The following NYAP2 variants were observed in gnomAD, a reference collection of about 807,000 sequenced individuals.
NYAP2 encodes neuronal tyrosine-phosphorylated phosphoinositide-3-kinase adapter 2.
A neutral mutation model predicts 50.4 loss-of-function variants in NYAP2; 23 were observed. The observed-to-expected ratio is 0.46, with a 90% CI of 0.33 to 0.65. The LOEUF (loss-of-function observed/expected upper bound fraction) is 0.65, where lower values mean the gene tolerates loss of function less well. Among genes scored for constraint, NYAP2 ranks in the 30% least tolerant of loss-of-function variants. NYAP2 has a pLI of 0.02. For synonymous variants in NYAP2, 394 were observed against 365.2 expected, an observed-to-expected ratio of 1.08 and a Z score of -0.90; for missense variants, 885 against 861.0, an observed-to-expected ratio of 1.03 and a Z score of -0.35.
chr2:225,577,781 A>G (rs530245579), intron 4 of NYAP2, among the ~76,000 whole-genome samples: 1 of 150,944 alleles, frequency 6.6e-6, no homozygotes, highest in Admixed American at 6.6e-5. Context: ...GATTACAAGG[A>G]CGGATGTCAG....
the NYAP2 span, among the ~76,000 whole-genome samples, chr2:225,674,067 C>T: frequency 6.6e-6 from 1 of 152,070 alleles, no homozygotes; most frequent in African/African-American, 2.4e-5. Flanking sequence ...CTGAAATCGC[C>T]TGAGCTGAGT....
At chr2:225,513,258 CG>C in intron 3 of NYAP2, 112 bp from the exon 4 acceptor site, 1 of 911,158 alleles carries the variant, frequency 1.1e-6, no homozygotes, top group Non-Finnish European at 1.7e-6. Flanking sequence ...AGCATTTCAC[CG>C]GACTAAAATG....
chr2:225,562,940 T>A (rs1160342235), intron 4 of NYAP2, among the ~76,000 whole-genome samples: 2 of 152,156 alleles, frequency 1.3e-5, no homozygotes, highest in Non-Finnish European at 2.9e-5. Context: ...CCTATTTGGA[T>A]AAGATGTCTG....
intron 3 of NYAP2, among the ~76,000 whole-genome samples, chr2:225,504,622 G>A (rs1455081234): frequency 6.6e-6 from 1 of 152,146 alleles, no homozygotes; most frequent in East Asian, 1.9e-4. Flanking sequence ...TAGTAAATAA[G>A]TTGGTTAGTT....
At chr2:225,480,808 A>G (rs1037644094) in intron 3 of NYAP2, among the ~76,000 whole-genome samples, 1 of 152,088 alleles carries the variant, frequency 6.6e-6, no homozygotes, top group Admixed American at 6.6e-5. Flanking sequence ...TTCTTATATA[A>G]ATGGTTTTTA....
At chr2:225,435,902 A>C (rs1242414430) in intron 3 of NYAP2, among the ~76,000 whole-genome samples, 1 of 152,216 alleles carries the variant, frequency 6.6e-6, no homozygotes, top group Non-Finnish European at 1.5e-5. Context: ...CCATTCTTCA[A>C]CATCAATTTG....
chr2:225,467,841 C>G (rs1689945891), intron 3 of NYAP2, among the ~76,000 whole-genome samples: 1 of 152,088 alleles, frequency 6.6e-6, no homozygotes, highest in South Asian at 2.1e-4. Flanking sequence ...TTTTTGAATA[C>G]AATCATTCAT....
intron 3 of NYAP2, among the ~76,000 whole-genome samples, chr2:225,472,217 A>G (rs1306021151): frequency 6.6e-6 from 1 of 152,164 alleles, no homozygotes; most frequent in African/African-American, 2.4e-5. Flanking sequence ...ACTAAAATAC[A>G]TCACCTTTGA....
At chr2:225,541,189 A>G (rs887396308) in intron 4 of NYAP2, among the ~76,000 whole-genome samples, 1 of 152,102 alleles carries the variant, frequency 6.6e-6, no homozygotes, top group African/African-American at 2.4e-5. Context: ...TCAGGTTTTA[A>G]ATCCCTTGTT....
At chr2:225,703,416 A>G in the NYAP2 span, 1 of 151,888 alleles carries the variant, frequency 6.6e-6, no homozygotes, top group Admixed American at 6.6e-5. Flanking sequence ...CTCATGTGTT[A>G]TTAGCCATTT....
At chr2:225,609,847 C>T (rs1692849463) in intron 5 of NYAP2, among the ~76,000 whole-genome samples, 1 of 152,104 alleles carries the variant, frequency 6.6e-6, no homozygotes, top group Non-Finnish European at 1.5e-5. Flanking sequence ...ATGATATCCA[C>T]ACTTTAAAAA....
intron 5 of NYAP2, among the ~76,000 whole-genome samples, chr2:225,625,112 A>C (rs1236740385): frequency 6.6e-6 from 1 of 151,802 alleles, no homozygotes; most frequent in East Asian, 1.9e-4. Context: ...TTCTAAAAAA[A>C]TTCCTTATTT....
chr2:225,519,991 G>A (rs1691017701), intron 4 of NYAP2, among the ~76,000 whole-genome samples: 1 of 152,144 alleles, frequency 6.6e-6, no homozygotes, highest in South Asian at 2.1e-4. Context: ...GTATCTCATT[G>A]TGGTTTTGAT....
chr2:225,667,835 A>G, the NYAP2 span, among the ~76,000 whole-genome samples: 1 of 152,066 alleles, frequency 6.6e-6, no homozygotes, highest in Non-Finnish European at 1.5e-5. Context: ...GCACGGTTGG[A>G]AGACTAGTAT....
chr2:225,408,116 G>T (rs1212071098), intron 2 of NYAP2, among the ~76,000 whole-genome samples: 1 of 151,612 alleles, frequency 6.6e-6, no homozygotes, highest in Non-Finnish European at 1.5e-5. Context: ...ATTTAATTTT[G>T]GTTTCTCAGT....
chr2:225,639,771 AT>A (rs1211597326), intron 6 of NYAP2, among the ~76,000 whole-genome samples: 1 of 152,198 alleles, frequency 6.6e-6, no homozygotes, highest in African/African-American at 2.4e-5. Flanking sequence ...AAATGACAAA[AT>A]TTTAAAACTG....
At chr2:225,680,888 T>C in the NYAP2 span, among the ~76,000 whole-genome samples, 27 of 152,324 alleles carry the variant, frequency 1.8e-4, no homozygotes, top group African/African-American at 6.3e-4. Context: ...GTATGATGTA[T>C]ACTATTGGAA....
At chr2:225,414,436 A>T (rs1695091625) in intron 3 of NYAP2, among the ~76,000 whole-genome samples, 1 of 152,124 alleles carries the variant, frequency 6.6e-6, no homozygotes, top group Non-Finnish European at 1.5e-5. Flanking sequence ...TTTATGAAAA[A>T]CCTATAAGAA....
chr2:225,581,036 G>C (rs1464371318), intron 4 of NYAP2, among the ~76,000 whole-genome samples: 1 of 152,202 alleles, frequency 6.6e-6, no homozygotes, highest in East Asian at 1.9e-4. Context: ...ACAGGCATTT[G>C]CCAGCCTCTT....
Sources: gnomAD v4.1 joint callset for allele counts (sites outside exome capture counted in the v4.1 genomes callset) on GRCh38, gnomAD v4.1.1 for gene constraint, MANE v1.5 for transcripts, NCBI Gene and HGNC (gene_info 2026-07-23, HGNC 2026-07-21) for gene names.